Variants in TMEM143 observed in about 807,000 individuals in gnomAD.
TMEM143 encodes the protein transmembrane protein 143.
TMEM143 carries 45 observed loss-of-function variants against 40.3 expected under a neutral mutation model. That is an observed-to-expected ratio of 1.12 (90% confidence interval 0.88 to 1.43). The LOEUF (loss-of-function observed/expected upper bound fraction) is 1.43, where lower values mean the gene tolerates loss of function less well. Among genes scored for constraint, TMEM143 ranks in the 40% most tolerant of loss-of-function variants. The pLI, the probability that TMEM143 is intolerant of heterozygous loss-of-function variation, is 0.00. For missense variants in TMEM143, 620 were observed against 613.4 expected, an observed-to-expected ratio of 1.01 and a Z score of -0.11; for synonymous variants, 299 against 282.7, an observed-to-expected ratio of 1.06 and a Z score of -0.58.
chr19:48,351,703 A>G (rs537077), intron 3 of TMEM143, among the ~76,000 whole-genome samples: 118,527 of 151,932 alleles, frequency 0.78, 46,291 homozygotes, highest in Admixed American at 0.85. Flanking sequence ...TTGCACGTGG[A>G]GTTCCCTCAC....
intron 3 of TMEM143, among the ~76,000 whole-genome samples, chr19:48,348,903 C>T (rs1000951329): frequency 6.6e-6 from 1 of 152,064 alleles, no homozygotes; most frequent in South Asian, 2.1e-4. Context: ...TGGCTGGGCG[C>T]GATTGCTCAT....
Position 48,332,989 on chromosome 19 carries a change from CA to C in TMEM143, c.*229del. On this transcript the variant is annotated 3_prime_UTR_variant, in exon 8 of 8. Transcript: ENST00000293261. ...GTGGGACTAAGAAATGGAACAGAAG[CA>C]GAGCTAAATCGCTTTGATTGGCTGT... is the stretch of plus-strand genomic sequence containing the variant. 1 of 381,066 alleles carries C rather than the reference CA, an allele frequency of 2.6e-6. No homozygotes were observed. Among genetic ancestry groups the C allele is most frequent in the Admixed American group, 4.5e-5 (1 of 22,364 alleles). The allele number at this position is 381,066 out of a possible 1,614,324, so 23.6% of individuals were successfully genotyped here.
In TMEM143 at chr19:48,334,140, G is replaced by A. The variant is rs867503191; in HGVS notation, c.1033C>T (p.Arg345Cys). 5 of 1,608,478 alleles carry A rather than the reference G, an allele frequency of 3.1e-6. No homozygotes were observed. Among genetic ancestry groups the A allele is most frequent in the East Asian group, 2.2e-5 (1 of 44,718 alleles). The change falls in exon 7 of 8, where the codon CGC (arginine) becomes TGC (cysteine). Residue 345 changes from arginine to cysteine, a missense_variant. Physicochemically the swap from Arg to Cys is radical, Grantham distance 180. Transcript: ENST00000293261. ...ALELAHMLYYRSTSNNSELLS... is the reference protein window; with the variant it reads ...ALELAHMLYYCSTSNNSELLS... ...AGCTCCGAGTTGTTGGACGTACTGC[G>A]ATAGTACAGCATGTGCGCCAGCTCC...
At position 48,345,252 on chromosome 19, in the gene TMEM143, C is replaced by G; in HGVS notation, c.472G>C (p.Glu158Gln). The G allele has an allele frequency of 1.2e-6, 2 of 1,613,312 alleles. No homozygotes were observed. Among genetic ancestry groups the G allele is most frequent in the Non-Finnish European group, 1.7e-6 (2 of 1,179,626 alleles). Residue 158 changes from glutamate (E) to glutamine (Q), a missense_variant, in exon 4 of 8, where the codon GAG (glutamate) becomes CAG (glutamine). Coordinates refer to ENST00000293261, the MANE Select transcript of TMEM143 (RefSeq NM_018273.4). ...AAGTTGGCCTGGGCCAGCAGGGGCT[C>G]CAGAGCCCGAAGCACCTCCTGCTCA... ...SNEQEVLRAL[E>Q]PLLAQANFSP...
intron 3 of TMEM143, among the ~76,000 whole-genome samples, chr19:48,345,707 G>A (rs1969611942): frequency 6.6e-6 from 1 of 151,828 alleles, no homozygotes; most frequent in East Asian, 1.9e-4. Flanking sequence ...CTGAGCTCAG[G>A]CAATATGCCC....
At chr19:48,348,025 C>CAAAAAAAAAAA (rs556686693) in intron 3 of TMEM143, among the ~76,000 whole-genome samples, 1 of 103,290 alleles carries the variant, frequency 9.7e-6, no homozygotes, top group Non-Finnish European at 1.9e-5. Context: ...GACCCTGTCT[C>CAAAAAAAAAAA]AAAAAAAAAA....
intron 6 of TMEM143, among the ~76,000 whole-genome samples, chr19:48,341,116 A>G (rs889249720): frequency 3.3e-5 from 5 of 152,244 alleles, no homozygotes; most frequent in Admixed American, 6.5e-5. Flanking sequence ...CCAATGAGCC[A>G]GCAGGTGAAT....
rs538256077 is a variant in TMEM143, at chr19:48,343,598, G to A, written c.565-147C>T. 5 of 1,071,672 alleles carry A rather than the reference G, an allele frequency of 4.7e-6. No individual in the cohort carries two copies. In the South Asian group the frequency reaches 6.5e-5, roughly 14 times the overall value. 66.4% of individuals were successfully genotyped at this position (1,071,672 alleles called of 1,614,324 possible). On this transcript the variant is annotated intron_variant, in intron 4 of 7. Transcript: ENST00000293261. ...CCATCTAGGCAGGGCTGTCACATAT[G>A]GTTGTCCATGTCGTATACTGCACAA...
Position 48,334,012 on chromosome 19 carries a change from G to C in TMEM143, c.1161C>G (p.Pro387=). The C allele has an allele frequency of 6.5e-7, 1 of 1,545,938 alleles. No homozygotes were observed. Among genetic ancestry groups the C allele is most frequent in the African/African-American group, 1.4e-5 (1 of 73,376 alleles). The change falls in exon 7 of 8, where the codon CCC becomes CCG. Residue 387 remains proline, a synonymous_variant. Transcript: ENST00000293261. ...ARRPGGTQGS[P]EETSRWLRSE... is the part of the protein sequence containing the mutation. The stretch of plus-strand genomic sequence containing the variant: ...GGTCCCAGGGCCACGTCCTACCTTC[G>C]GGCGAGCCTTGAGTGCCCCCTGGCC...
intron 6 of TMEM143, among the ~76,000 whole-genome samples, chr19:48,334,420 TTCTTTCTTTCTTTCTTTC>T (rs1969299889): frequency 7.2e-5 from 1 of 13,830 alleles, no homozygotes; most frequent in South Asian, 2.6e-3. Flanking sequence ...TTTTCTCTCT[TTCTTTCTTTCTTTCTTTC>T]TTTCTTTCTT....
rs757770115 is a variant in TMEM143 at position 48,334,178 on chromosome 19, C to G, written c.995G>C (p.Ser332Thr). 2.4e-5 allele frequency: 39 copies of G among 1,604,094 alleles called. No individual in the cohort carries two copies. Among genetic ancestry groups the G allele is most frequent in the Non-Finnish European group, 3.3e-5 (39 of 1,176,070 alleles). ...RASKMFGQRR[S>T]AQALELAHML... Reference sequence around the variant, plus strand: ...GTGCGCCAGCTCCAACGCCTGCGCGCTGCGCCGCTGCCCGAACATCTGCAG... The same window carrying G: ...GTGCGCCAGCTCCAACGCCTGCGCGGTGCGCCGCTGCCCGAACATCTGCAG... The change falls in exon 7 of 8, where the codon AGC becomes ACC. Residue 332 changes from serine to threonine, a missense_variant. Transcript: ENST00000293261.
intron 3 of TMEM143, chr19:48,359,729 G>C (rs1049890654): frequency 7.5e-5 from 13 of 173,832 alleles, no homozygotes; most frequent in Non-Finnish European, 1.5e-4. Context: ...GGATGGTCTC[G>C]ATCTCCTGAC....
chr19:48,333,241 G>A lies in TMEM143; in HGVS notation c.1358C>T (p.Thr453Met). ...APITSEPPQA[T>M]PSSNIS ...TACTCAGGAGATGTTACTGCTGGGC[G>A]TGGCTTGCGGGGGCTCGGAAGTGAT... is the stretch of plus-strand genomic sequence containing the variant. The change falls in exon 8 of 8, where the codon ACG becomes ATG. Residue 453 changes from threonine (T) to methionine (M), a missense_variant. Physicochemically the swap from Thr to Met is moderately conservative, Grantham distance 81. Transcript: ENST00000293261. The surrounding 1 kb of genome is among the most constrained non-coding windows in gnomAD (Gnocchi z 4.1). The A allele has an allele frequency of 6.7e-7, 1 of 1,489,622 alleles. No individual in the cohort carries two copies. Among genetic ancestry groups the A allele is most frequent in the Non-Finnish European group, 9.1e-7 (1 of 1,104,698 alleles). The allele number at this position is 1,489,622 out of a possible 1,614,324, so 92.3% of individuals were successfully genotyped here. A position where few individuals can be genotyped will look rare whatever the true frequency, so the allele number is the denominator to read the frequency against.
chr19:48,350,821 C>CT (rs1377771655), intron 3 of TMEM143, among the ~76,000 whole-genome samples: 1 of 144,858 alleles, frequency 6.9e-6, no homozygotes, highest in Non-Finnish European at 1.5e-5. Context: ...ACTTGGGAGA[C>CT]TGAGGCAGGA....
intron 3 of TMEM143, among the ~76,000 whole-genome samples, chr19:48,351,836 CCTT>C (rs1569033510): frequency 6.6e-6 from 1 of 152,110 alleles, no homozygotes. Context: ...TTCCTTTTCT[CCTT>C]ATTAGGTTTT....
chr19:48,352,246 CAAA>C (rs1231759805), intron 3 of TMEM143, among the ~76,000 whole-genome samples: 2 of 41,572 alleles, frequency 4.8e-5, no homozygotes, highest in Non-Finnish European at 8.2e-5. Context: ...GACTCTGTCT[CAAA>C]AAAAAAAAAA....
chr19:48,359,741 T>TCA, intron 3 of TMEM143: 1 of 188,252 alleles, frequency 5.3e-6, no homozygotes, highest in Non-Finnish European at 1.1e-5. Flanking sequence ...TCTCCTGACC[T>TCA]TGTGATCCAC....
chr19:48,348,704 C>T (rs923456749), intron 3 of TMEM143, among the ~76,000 whole-genome samples: 1 of 152,262 alleles, frequency 6.6e-6, no homozygotes, highest in African/African-American at 2.4e-5. Flanking sequence ...AGTAATTGCC[C>T]GAGGTCACAT....
chr19:48,335,181 T>C (rs1969339803), intron 6 of TMEM143, among the ~76,000 whole-genome samples: 1 of 152,350 alleles, frequency 6.6e-6, no homozygotes, highest in East Asian at 1.9e-4. Flanking sequence ...TGATTAACTA[T>C]TGCTAATTGT....
Sources: gnomAD v4.1 joint callset for allele counts (sites outside exome capture counted in the v4.1 genomes callset) on GRCh38, gnomAD v4.1.1 for gene constraint, Gnocchi (gnomAD v3.1) non-coding constraint, MANE v1.5 for transcripts, NCBI Gene and HGNC (gene_info 2026-07-23, HGNC 2026-07-21) for gene names.